Variants in KIZ observed in about 807,000 individuals in gnomAD.
KIZ encodes kizuna centrosomal protein.
A neutral mutation model predicts 79.6 loss-of-function variants in KIZ; 68 were observed. The observed-to-expected ratio is 0.85, with a 90% CI of 0.70 to 1.05. KIZ has a LOEUF of 1.05. Ranked by LOEUF, KIZ falls within the 50% of genes least tolerant of loss-of-function variation. KIZ has a pLI of 0.00. For missense variants in KIZ, 797 were observed against 800.4 expected, an observed-to-expected ratio of 1.00 and a Z score of 0.05; for synonymous variants, 280 against 281.8, an observed-to-expected ratio of 0.99 and a Z score of 0.06.
At chr20:21,230,069 C>T (rs1207006015) in intron 10 of KIZ, among the ~76,000 whole-genome samples, 1 of 152,176 alleles carries the variant, frequency 6.6e-6, no homozygotes, top group Non-Finnish European at 1.5e-5. Flanking sequence ...AGGAAATCCA[C>T]ATTAATGACT....
At chr20:21,166,747 C>T (rs977317670) in intron 6 of KIZ, among the ~76,000 whole-genome samples, 2 of 151,822 alleles carry the variant, frequency 1.3e-5, no homozygotes, top group Non-Finnish European at 2.9e-5. Context: ...CGTGAGCCAC[C>T]GCACCTGGCC....
At chr20:21,166,120 C>T (rs2033920623) in intron 6 of KIZ, 3 of 771,044 alleles carry the variant, frequency 3.9e-6, no homozygotes, top group Non-Finnish European at 6.3e-6. Flanking sequence ...GCATGTGCCG[C>T]CATGCTTGGC....
chr20:21,163,014 G>A lies in KIZ; in HGVS notation c.1207G>A (p.Glu403Lys), dbSNP rs367937294. The A allele has an allele frequency of 1.7e-5, 28 of 1,613,950 alleles. No individual in the cohort carries two copies. In the African/African-American group the frequency reaches 3.3e-4, roughly 19 times the overall value. The stretch of plus-strand genomic sequence containing the variant: ...ACAGCCAAATCCAGGTGGCAAGATG[G>A]AGGGAGAAGATGGAATAGAGGCCTT... ...EPQPNPGGKM[E>K]GEDGIEALKL... is the part of the protein sequence containing the mutation. Residue 403 changes from glutamate (E) to lysine (K), a missense_variant, in exon 6 of 13, where the codon GAG becomes AAG. Glu to Lys is a moderately conservative substitution (Grantham distance 56). Coordinates refer to ENST00000619189, the MANE Select transcript of KIZ (RefSeq NM_018474.6).
chr20:21,224,960 A>G (rs1336860399), intron 9 of KIZ, among the ~76,000 whole-genome samples: 1 of 151,832 alleles, frequency 6.6e-6, no homozygotes, highest in Admixed American at 6.6e-5. Context: ...AGCTGTTTCT[A>G]TTTTCTATAC....
intron 3 of KIZ, among the ~76,000 whole-genome samples, chr20:21,140,679 C>G (rs1192740763): frequency 1.3e-5 from 2 of 151,934 alleles, no homozygotes; most frequent in African/African-American, 4.8e-5. Context: ...AAACACAGTT[C>G]AAAAATATAA....
At chr20:21,132,253 A>C in intron 2 of KIZ, 94 bp downstream of exon 2, 1 of 652,086 alleles carries the variant, frequency 1.5e-6, no homozygotes, top group Non-Finnish European at 2.6e-6. Flanking sequence ...TTGTAGTTAG[A>C]GTACTGGGTT....
chr20:21,223,038 A>C (rs2036550904), intron 9 of KIZ, among the ~76,000 whole-genome samples: 1 of 152,198 alleles, frequency 6.6e-6, no homozygotes, highest in Non-Finnish European at 1.5e-5. Context: ...TACTATAAAT[A>C]ATGGTAAAGA....
chr20:21,138,644 AGAT>A (rs2032335343), intron 3 of KIZ, among the ~76,000 whole-genome samples: 1 of 152,190 alleles, frequency 6.6e-6, no homozygotes, highest in African/African-American at 2.4e-5. Flanking sequence ...CCCTTGGTTA[AGAT>A]GATGATCTCT....
chr20:21,162,766 T>A lies in KIZ; in HGVS notation c.1043-84T>A, dbSNP rs578097884. ...TGTGTGGGTTGCTTCTCCATGTTTTTAACTGATGAGTAATTCTGCTGTGTG... is the reference window on the plus strand; with the variant it reads ...TGTGTGGGTTGCTTCTCCATGTTTTAAACTGATGAGTAATTCTGCTGTGTG... On this transcript the variant is annotated intron_variant, in intron 5 of 12. Transcript: ENST00000619189. 691 of 1,116,004 alleles carry A rather than the reference T, an allele frequency of 6.2e-4. 12 individuals carry two copies. The South Asian group carries it at 0.01, about 17-fold the overall frequency. 69.1% of individuals were successfully genotyped at this position (1,116,004 alleles called of 1,614,324 possible).
chr20:21,208,269 G>GT (rs1473000475), intron 7 of KIZ, among the ~76,000 whole-genome samples: 1 of 152,100 alleles, frequency 6.6e-6, no homozygotes, highest in Non-Finnish European at 1.5e-5. Context: ...ATGGGAGGGG[G>GT]TGCTGTCCAG....
At position 21,161,869 on chromosome 20, in the gene KIZ, A is replaced by G; in HGVS notation, c.406-2A>G. The G allele has an allele frequency of 6.2e-7, 1 of 1,603,726 alleles. No homozygotes were observed. Among genetic ancestry groups the G allele is most frequent in the Non-Finnish European group, 8.5e-7 (1 of 1,172,110 alleles). On this transcript the variant is annotated splice_acceptor_variant, in intron 4 of 12. Transcript: ENST00000619189. LOFTEE classifies it high-confidence loss of function. ...TAACTCACATCTCTTTTGGTGTTGC[A>G]GGTTGCAGTGCACGAGGGGATTAAC...
At chr20:21,148,368 G>A (rs6082336) in intron 4 of KIZ, among the ~76,000 whole-genome samples, 13 of 152,142 alleles carry the variant, frequency 8.5e-5, no homozygotes, top group Non-Finnish European at 4.4e-5. Context: ...TTTTGGTGTA[G>A]GACATCTATT....
At chr20:21,159,239 A>G (rs991246251) in intron 4 of KIZ, among the ~76,000 whole-genome samples, 1 of 151,872 alleles carries the variant, frequency 6.6e-6, no homozygotes, top group Non-Finnish European at 1.5e-5. Flanking sequence ...GGCTGGTCTC[A>G]AGTTCCTGGG....
chr20:21,194,966 T>G (rs1384290698), intron 6 of KIZ: 1 of 152,184 alleles, frequency 6.6e-6, no homozygotes, highest in Non-Finnish European at 1.5e-5. Flanking sequence ...CTATGAGAAA[T>G]AAAAGTAAAA....
intron 6 of KIZ, among the ~76,000 whole-genome samples, chr20:21,167,306 A>C (rs2033986653): frequency 6.6e-6 from 1 of 152,232 alleles, no homozygotes; most frequent in African/African-American, 2.4e-5. Context: ...GACTGGGAAC[A>C]GGCTGAATTG....
chr20:21,228,589 G>C (rs1375272292), intron 9 of KIZ, among the ~76,000 whole-genome samples: 1 of 152,140 alleles, frequency 6.6e-6, no homozygotes, highest in Non-Finnish European at 1.5e-5. Context: ...CCCCAGCCCT[G>C]TCCCAGAGCC....
intron 12 of KIZ, chr20:21,244,591 A>G: frequency 2.8e-6 from 1 of 362,232 alleles, no homozygotes; most frequent in Non-Finnish European, 5.0e-6. Context: ...TACCAATGAA[A>G]TGTTTCTTGC....
intron 3 of KIZ, among the ~76,000 whole-genome samples, chr20:21,142,544 G>A (rs1466311796): frequency 1.3e-5 from 2 of 152,060 alleles, no homozygotes; most frequent in Admixed American, 1.3e-4. Flanking sequence ...CTGTTTAATA[G>A]CAGAGGTATT....
intron 4 of KIZ, among the ~76,000 whole-genome samples, chr20:21,154,793 A>G (rs2122600476): frequency 6.6e-6 from 1 of 152,350 alleles, no homozygotes; most frequent in South Asian, 2.1e-4. Flanking sequence ...AATAGTGTTC[A>G]GAATTTAAGA....
Sources: allele counts gnomAD v4.1 joint callset (sites outside exome capture counted in the v4.1 genomes callset), GRCh38; gene constraint gnomAD v4.1.1; transcripts MANE v1.5; gene names NCBI Gene and HGNC (gene_info 2026-07-23, HGNC 2026-07-21).